Variants in OSBPL9 observed in about 807,000 individuals in gnomAD.
OSBPL9 encodes the protein oxysterol-binding protein-related protein 9.
In OSBPL9, 40 loss-of-function variants were observed where a neutral mutation model predicts 106.6. The ratio of observed to expected loss-of-function variants is 0.38; its 90% CI spans 0.29 to 0.49. OSBPL9 has a LOEUF of 0.49. Ranked by LOEUF, OSBPL9 falls within the 20% of genes least tolerant of loss-of-function variation. The pLI, the probability that OSBPL9 is intolerant of heterozygous loss-of-function variation, is 0.97. For missense variants in OSBPL9, 609 were observed against 887.2 expected (o/e 0.69, Z 3.98); for synonymous variants, 269 against 295.4 (o/e 0.91, Z 0.92).
chr1:51,745,481 A>G, intron 4 of OSBPL9, 55 bp from the exon 5 acceptor site: 2 of 1,574,202 alleles, frequency 1.3e-6, no homozygotes, highest in African/African-American at 1.4e-5. Context: ...TATTTTTTGT[A>G]CTATTAAACT....
At chr1:51,641,370 A>G (rs2148675111) in intron 1 of OSBPL9, among the ~76,000 whole-genome samples, 1 of 152,280 alleles carries the variant, frequency 6.6e-6, no homozygotes, top group South Asian at 2.1e-4. Flanking sequence ...CCATCATCTT[A>G]GGGGTTGGGA....
intron 8 of OSBPL9, among the ~76,000 whole-genome samples, chr1:51,750,919 T>A (rs1669092543): frequency 1.3e-5 from 2 of 152,232 alleles, no homozygotes; most frequent in Admixed American, 6.5e-5. Context: ...ATTACTCATC[T>A]CTTTTACTTC....
At chr1:51,708,673 T>C (rs990087980) in intron 3 of OSBPL9, among the ~76,000 whole-genome samples, 1 of 152,234 alleles carries the variant, frequency 6.6e-6, no homozygotes, top group East Asian at 1.9e-4. Context: ...GCCATCTTAC[T>C]GTATGCTTTC....
chr1:51,549,680 A>G, the OSBPL9 span, among the ~76,000 whole-genome samples: 1 of 152,144 alleles, frequency 6.6e-6, no homozygotes, highest in Non-Finnish European at 1.5e-5. Flanking sequence ...AAAAATACAA[A>G]AATTAGCCAG....
chr1:51,532,172 G>T, the OSBPL9 span, among the ~76,000 whole-genome samples: 3 of 152,162 alleles, frequency 2.0e-5, no homozygotes, highest in Non-Finnish European at 4.4e-5. Flanking sequence ...AGGACTTGGA[G>T]TCAAGAAAAA....
chr1:51,522,380 C>T, the OSBPL9 span, among the ~76,000 whole-genome samples: 6 of 152,258 alleles, frequency 3.9e-5, no homozygotes, highest in African/African-American at 1.4e-4. Flanking sequence ...CTTCTTTCTT[C>T]ATTCGTAGGT....
intron 2 of OSBPL9, among the ~76,000 whole-genome samples, chr1:51,666,031 A>G (rs537719894): frequency 5.3e-5 from 8 of 152,098 alleles, no homozygotes; most frequent in Non-Finnish European, 1.0e-4. Flanking sequence ...TATTTTTAGT[A>G]GAGACAGGGT....
intron 1 of OSBPL9, among the ~76,000 whole-genome samples, chr1:51,642,809 A>G (rs1341761949): frequency 1.3e-5 from 2 of 152,178 alleles, no homozygotes; most frequent in African/African-American, 4.8e-5. Flanking sequence ...CTGGGAAATG[A>G]GAGAGGGTTT....
chr1:51,685,378 T>A (rs1653542951), intron 3 of OSBPL9, among the ~76,000 whole-genome samples: 1 of 152,146 alleles, frequency 6.6e-6, no homozygotes, highest in Non-Finnish European at 1.5e-5. Context: ...AACTGGTAAA[T>A]TCTCCAAGAA....
intron 8 of OSBPL9, chr1:51,752,628 G>A (rs939791387): frequency 1.1e-5 from 5 of 448,584 alleles, no homozygotes; most frequent in African/African-American, 4.0e-5. Context: ...CGTTCTGGAA[G>A]CCAGAAGTCC....
At chr1:51,755,487 G>A (rs1282128216) in intron 8 of OSBPL9, among the ~76,000 whole-genome samples, 1 of 152,168 alleles carries the variant, frequency 6.6e-6, no homozygotes, top group Non-Finnish European at 1.5e-5. Flanking sequence ...AATAGAAACT[G>A]TACTTTGAAT....
chr1:51,737,183 C>A lies in OSBPL9; in HGVS notation c.319-8353C>A, dbSNP rs556587792. On this transcript the variant is annotated intron_variant, in intron 4 of 23. Coordinates refer to ENST00000428468, the MANE Select transcript of OSBPL9 (RefSeq NM_024586.6). The stretch of plus-strand genomic sequence containing the variant: ...TTAAATGATATTATAAATTTGCTAT[C>A]CTACTTTTTTGCTTGGAAAGGTGTA... 2.0e-5 allele frequency among the ~76,000 whole-genome samples: 3 copies of A among 152,096 alleles called. No homozygotes were observed. The South Asian group carries it at 6.2e-4, about 32-fold the overall frequency.
the OSBPL9 span, among the ~76,000 whole-genome samples, chr1:51,569,237 T>A: frequency 6.6e-6 from 1 of 152,330 alleles, no homozygotes; most frequent in South Asian, 2.1e-4. Flanking sequence ...CTTATTGTAG[T>A]GTACCTGTGA....
chr1:51,765,728 C>CT, intron 11 of OSBPL9, 94 bp from the exon 12 acceptor site: 2 of 1,212,174 alleles, frequency 1.6e-6, no homozygotes, highest in Non-Finnish European at 2.2e-6. Flanking sequence ...TAACCAAACT[C>CT]TTTTTTGATT....
chr1:51,623,341 G>A (rs1644562217), intron 1 of OSBPL9, among the ~76,000 whole-genome samples: 1 of 152,130 alleles, frequency 6.6e-6, no homozygotes, highest in Non-Finnish European at 1.5e-5. Flanking sequence ...GGGAAGCAAG[G>A]TCAATGTTAA....
At chr1:51,666,048 A>G (rs1323076525) in intron 2 of OSBPL9, among the ~76,000 whole-genome samples, 1 of 152,054 alleles carries the variant, frequency 6.6e-6, no homozygotes, top group African/African-American at 2.4e-5. Flanking sequence ...GGGTTTCAAC[A>G]TGTTGACCAG....
At chr1:51,558,235 G>C in the OSBPL9 span, among the ~76,000 whole-genome samples, 15 of 151,794 alleles carry the variant, frequency 9.9e-5, no homozygotes, top group Non-Finnish European at 2.1e-4. Context: ...AGCCAAGATT[G>C]TGCCACTGCA....
intron 15 of OSBPL9, among the ~76,000 whole-genome samples, chr1:51,779,842 C>T (rs763859298): frequency 1.2e-4 from 18 of 152,136 alleles, no homozygotes; most frequent in Admixed American, 2.6e-4. Context: ...TTTTGGGAGG[C>T]CAAGGCAGGT....
At chr1:51,659,505 A>T (rs1377493284) in intron 2 of OSBPL9, among the ~76,000 whole-genome samples, 1 of 152,052 alleles carries the variant, frequency 6.6e-6, no homozygotes, top group African/African-American at 2.4e-5. Context: ...TAAAGAAAAG[A>T]AATAGCAAAG....
Sources: gnomAD v4.1 joint callset for allele counts (sites outside exome capture counted in the v4.1 genomes callset) on GRCh38, gnomAD v4.1.1 for gene constraint, MANE v1.5 for transcripts, NCBI Gene and HGNC (gene_info 2026-07-23, HGNC 2026-07-21) for gene names.